CCDC167: variants seen among roughly 807,000 people sequenced by gnomAD.
The protein encoded by CCDC167 is coiled-coil domain containing 167.
A neutral mutation model predicts 12.7 loss-of-function variants in CCDC167; 15 were observed. The observed-to-expected ratio is 1.18, with a 90% CI of 0.79 to 1.81. CCDC167 has a LOEUF of 1.81. Ranked by LOEUF, CCDC167 falls within the 40% of genes most tolerant of loss-of-function variation. The pLI is 0.00. For missense variants in CCDC167, 121 were observed against 120.1 expected, an observed-to-expected ratio of 1.01 and a Z score of -0.03; for synonymous variants, 52 against 49.0, an observed-to-expected ratio of 1.06 and a Z score of -0.26.
rs34494456 is a variant in CCDC167 at position 37,498,515 on chromosome 6, T to TAAA, written c.42+1304_42+1306dup. Among the ~76,000 whole-genome samples, 338 of 145,782 alleles carry TAAA rather than the reference T, an allele frequency of 2.3e-3. 2 individuals are homozygous for TAAA. The highest frequency in any genetic ancestry group is 7.1e-3 in the African/African-American group (278 of 39,350). On this transcript the variant is annotated intron_variant, in intron 1 of 3. Coordinates refer to ENST00000373408, the MANE Select transcript of CCDC167 (RefSeq NM_138493.3). ...ATCACCATGGGGTGTGTGTGGCTTG[T>TAAA]AAAAAAAAAAAAAATGCAGATTCTG...
intron 1 of CCDC167, among the ~76,000 whole-genome samples, chr6:37,497,366 A>G (rs377211775): frequency 1.4e-4 from 21 of 152,184 alleles, no homozygotes; most frequent in African/African-American, 4.8e-4. Context: ...TTCAATATAT[A>G]TTGTTGATTC....
In CCDC167 at chr6:37,485,131, G is replaced by T; in HGVS notation, c.106C>A (p.Leu36Ile). 1 of 1,613,488 alleles carries T rather than the reference G, an allele frequency of 6.2e-7. No individual in the cohort carries two copies. The highest frequency in any genetic ancestry group is 8.5e-7 in the Non-Finnish European group (1 of 1,179,988). ...TCTGGGCTCAGCTCCCGGCTGTGGA[G>T]TCTGGAGTTCACGGCCTCCAGGTCT... ...RRDLEAVNSR[L>I]HSRELSPEAR... The change falls in exon 2 of 4, where the codon CTC becomes ATC. Residue 36 changes from leucine to isoleucine, a missense_variant. Transcript: ENST00000373408.
intron 1 of CCDC167, among the ~76,000 whole-genome samples, chr6:37,485,784 A>G (rs553561946): frequency 6.6e-6 from 1 of 152,378 alleles, no homozygotes; most frequent in African/African-American, 2.4e-5. Flanking sequence ...ATCAAAAATT[A>G]CTGAGAAAAA....
intron 1 of CCDC167, among the ~76,000 whole-genome samples, chr6:37,496,060 C>T (rs1007295010): frequency 6.6e-6 from 1 of 152,118 alleles, no homozygotes; most frequent in African/African-American, 2.4e-5. Flanking sequence ...AAACATCTAC[C>T]GTGGTATGGA....
In CCDC167 at chr6:37,483,043, G is replaced by C. The variant is rs1761887375; in HGVS notation, c.*143C>G. ...CCAGCAGGCCAGGGAGGCAAGGCCT[G>C]GGCCGCCAGGAAGCCATGCTTGAAC... On this transcript the variant is annotated 3_prime_UTR_variant, in exon 4 of 4. Coordinates refer to ENST00000373408, the MANE Select transcript of CCDC167 (RefSeq NM_138493.3). 1 of 742,990 alleles carries C rather than the reference G, an allele frequency of 1.3e-6. No homozygotes were observed. Among genetic ancestry groups the C allele is most frequent in the South Asian group, 1.5e-5 (1 of 67,998 alleles). 46.0% of individuals were successfully genotyped at this position (742,990 alleles called of 1,614,324 possible).
chr6:37,494,821 T>TTTTTTTTTTG (rs57496870), intron 1 of CCDC167, among the ~76,000 whole-genome samples: 2 of 150,040 alleles, frequency 1.3e-5, no homozygotes, highest in South Asian at 2.1e-4. Flanking sequence ...TTTTTTTTTT[T>TTTTTTTTTTG]GAGACGGGGT....
chr6:37,487,963 T>C (rs1229869093), intron 1 of CCDC167, among the ~76,000 whole-genome samples: 1 of 152,252 alleles, frequency 6.6e-6, no homozygotes, highest in African/African-American at 2.4e-5. Context: ...CAGCTCTCGC[T>C]GATTCCCTTC....
At chr6:37,493,114 C>T (rs866938039) in intron 1 of CCDC167, among the ~76,000 whole-genome samples, 1 of 152,198 alleles carries the variant, frequency 6.6e-6, no homozygotes, top group South Asian at 2.1e-4. Context: ...CAGGGAGAGC[C>T]TAGGGGCTTG....
chr6:37,497,112 T>G (rs1018581304), intron 1 of CCDC167, among the ~76,000 whole-genome samples: 13 of 152,258 alleles, frequency 8.5e-5, no homozygotes, highest in African/African-American at 3.1e-4. Flanking sequence ...GTCTAAGGAC[T>G]GTTCTTGCAG....
At chr6:37,496,306 G>A (rs1366731601) in intron 1 of CCDC167, among the ~76,000 whole-genome samples, 3 of 152,034 alleles carry the variant, frequency 2.0e-5, no homozygotes, top group Non-Finnish European at 2.9e-5. Flanking sequence ...GGTGGTGCAC[G>A]CCTGTAGTCT....
chr6:37,499,883 C>G lies in CCDC167; in HGVS notation c.-20G>C, dbSNP rs370703673. ...AGTCATGTTACTTGCCGGGATCCCC[C>G]AGTCATCACTGGACGCGCCCACCAA... On this transcript the variant is annotated 5_prime_UTR_variant, in exon 1 of 4. Coordinates refer to ENST00000373408, the MANE Select transcript of CCDC167 (RefSeq NM_138493.3). 26 of 1,613,984 alleles carry G rather than the reference C, an allele frequency of 1.6e-5. No individual in the cohort carries two copies. The African/African-American group carries it at 3.3e-4, about 21-fold the overall frequency.
chr6:37,493,607 A>G (rs1056512051), intron 1 of CCDC167, among the ~76,000 whole-genome samples: 3 of 152,198 alleles, frequency 2.0e-5, no homozygotes, highest in Non-Finnish European at 2.9e-5. Context: ...GGCTCATTTA[A>G]TGGTCAGCGG....
intron 1 of CCDC167, among the ~76,000 whole-genome samples, chr6:37,493,817 C>T (rs1351419729): frequency 6.6e-6 from 1 of 152,262 alleles, no homozygotes; most frequent in Admixed American, 6.5e-5. Flanking sequence ...GTCCACTCAC[C>T]TGCTCCTAGC....
intron 1 of CCDC167, among the ~76,000 whole-genome samples, chr6:37,489,467 G>A (rs902199988): frequency 6.6e-6 from 1 of 152,166 alleles, no homozygotes; most frequent in Non-Finnish European, 1.5e-5. Flanking sequence ...GGAACCTTGC[G>A]ATCCTTCCCT....
intron 1 of CCDC167, among the ~76,000 whole-genome samples, chr6:37,492,851 A>T (rs1253459735): frequency 6.6e-6 from 1 of 152,238 alleles, no homozygotes; most frequent in Non-Finnish European, 1.5e-5. Context: ...CAGGCTCCAC[A>T]GCAAGTCACA....
intron 1 of CCDC167, among the ~76,000 whole-genome samples, chr6:37,497,778 T>C (rs930922689): frequency 1.3e-5 from 2 of 151,818 alleles, no homozygotes; most frequent in African/African-American, 2.4e-5. Flanking sequence ...GGGTGAACAC[T>C]TGAATGGGAG....
chr6:37,484,328 G>A (rs1761910656), intron 3 of CCDC167, among the ~76,000 whole-genome samples: 1 of 152,216 alleles, frequency 6.6e-6, no homozygotes, highest in South Asian at 2.1e-4. Context: ...CTGGCGCCCC[G>A]CCGGGCCTGG....
At position 37,485,118 on chromosome 6, in the gene CCDC167, T is replaced by G; in HGVS notation, c.119A>C (p.Glu40Ala). The G allele has an allele frequency of 1.2e-6, 2 of 1,612,984 alleles. No homozygotes were observed. The highest frequency in any genetic ancestry group is 1.7e-6 in the Non-Finnish European group (2 of 1,179,934). The change falls in exon 2 of 4, where the codon GAG (glutamate) becomes GCG (alanine). Residue 40 changes from glutamate (E) to alanine (A), a missense_variant. Transcript: ENST00000373408. ...EAVNSRLHSRELSPEARRSLE... is the reference protein window; with the variant it reads ...EAVNSRLHSRALSPEARRSLE... The stretch of plus-strand genomic sequence containing the variant: ...GCATTACCTGGCCTCTGGGCTCAGC[T>G]CCCGGCTGTGGAGTCTGGAGTTCAC...
At chr6:37,489,752 G>A (rs536524568) in intron 1 of CCDC167, among the ~76,000 whole-genome samples, 1 of 152,330 alleles carries the variant, frequency 6.6e-6, no homozygotes, top group South Asian at 2.1e-4. Flanking sequence ...TACTCTGAAG[G>A]CCACAGGGGC....
Sources: gnomAD v4.1 joint callset for allele counts (sites outside exome capture counted in the v4.1 genomes callset) on GRCh38, gnomAD v4.1.1 for gene constraint, MANE v1.5 for transcripts, NCBI Gene and HGNC (gene_info 2026-07-23, HGNC 2026-07-21) for gene names.